STK3: variants seen among roughly 807,000 people sequenced by gnomAD.
STK3 encodes serine/threonine-protein kinase 3.
Under a neutral mutation model 58.0 loss-of-function variants are expected in STK3, and 41 were observed. The ratio of observed to expected loss-of-function variants is 0.71; its 90% CI spans 0.55 to 0.92. STK3 has a LOEUF of 0.92. Ranked by LOEUF, STK3 falls within the 40% of genes least tolerant of loss-of-function variation. The pLI is 0.00. For synonymous variants in STK3, 170 were observed against 191.0 expected, an observed-to-expected ratio of 0.89 and a Z score of 0.91; for missense variants, 479 against 602.7, an observed-to-expected ratio of 0.79 and a Z score of 2.15.
chr8:98,613,846 G>A (rs972372137), intron 6 of STK3, among the ~76,000 whole-genome samples: 1 of 152,046 alleles, frequency 6.6e-6, no homozygotes, highest in Non-Finnish European at 1.5e-5. Flanking sequence ...AAAGAAAAAT[G>A]ATGGAAGAAA....
intron 1 of STK3, among the ~76,000 whole-genome samples, chr8:98,447,961 A>G (rs1247589478): frequency 2.0e-5 from 1 of 50,922 alleles, no homozygotes; most frequent in East Asian, 7.3e-4. Flanking sequence ...AAAGTATAAT[A>G]ATAATAATAA....
chr8:98,352,109 C>T, the STK3 span, among the ~76,000 whole-genome samples: 1 of 145,224 alleles, frequency 6.9e-6, no homozygotes, highest in African/African-American at 2.6e-5. Flanking sequence ...TGCACTCCAG[C>T]CTGGGTGACA....
intron 10 of STK3, among the ~76,000 whole-genome samples, chr8:98,511,421 A>C (rs1824507635): frequency 6.6e-6 from 1 of 152,048 alleles, no homozygotes; most frequent in Non-Finnish European, 1.5e-5. Flanking sequence ...TCAAAAAAAG[A>C]CTATATTTTA....
intron 10 of STK3, among the ~76,000 whole-genome samples, chr8:98,520,902 C>G (rs942253193): frequency 6.6e-6 from 1 of 152,092 alleles, no homozygotes; most frequent in Admixed American, 6.6e-5. Context: ...AAATCACTTA[C>G]GCTGTGCTCC....
chr8:98,388,016 A>G (rs1441124979), intron 1 of STK3, among the ~76,000 whole-genome samples: 1 of 152,170 alleles, frequency 6.6e-6, no homozygotes. Context: ...AAATGGGACA[A>G]TTTGAGCACT....
intron 10 of STK3, among the ~76,000 whole-genome samples, chr8:98,492,937 AATC>A (rs1322635344): frequency 6.6e-6 from 1 of 151,982 alleles, no homozygotes. Flanking sequence ...AGCATATAAA[AATC>A]ATCAAGTATG....
At chr8:98,752,501 C>T (rs535380121) in intron 3 of STK3, among the ~76,000 whole-genome samples, 2 of 152,068 alleles carry the variant, frequency 1.3e-5, no homozygotes, top group Admixed American at 1.3e-4. Flanking sequence ...ATATAAAAAC[C>T]CTGGAAGACA....
chr8:98,912,591 C>G (rs991927445), intron 1 of STK3, among the ~76,000 whole-genome samples: 21 of 152,056 alleles, frequency 1.4e-4, no homozygotes, highest in Non-Finnish European at 1.3e-4. Flanking sequence ...AGAGAACAGA[C>G]TAAAAAACAT....
At chr8:98,726,884 A>G (rs1227467211) in intron 4 of STK3, among the ~76,000 whole-genome samples, 2 of 152,174 alleles carry the variant, frequency 1.3e-5, no homozygotes, top group African/African-American at 2.4e-5. Context: ...CTTTGACTCA[A>G]TGTCACCAGA....
At chr8:98,422,045 CT>C (rs1434851802) in intron 3 of STK3, among the ~76,000 whole-genome samples, 1 of 152,094 alleles carries the variant, frequency 6.6e-6, no homozygotes, top group Non-Finnish European at 1.5e-5. Context: ...CAACCACACC[CT>C]TCTCTGCCTC....
At chr8:98,399,801 G>A (rs1017769677), downstream of STK3, among the ~76,000 whole-genome samples, 1 of 152,190 alleles carries the variant, frequency 6.6e-6, no homozygotes, top group Non-Finnish European at 1.5e-5. Context: ...AGAGAATGGG[G>A]TGTGGCTTAC....
Position 98,428,269 on chromosome 8 carries a change from G to A in STK3, n.483+5858C>T. 6.2e-7 allele frequency: 1 copy of A among 1,614,128 alleles called. No individual in the cohort carries two copies. The highest frequency in any genetic ancestry group is 8.5e-7 in the Non-Finnish European group (1 of 1,180,026). On this transcript the variant is annotated intron_variant and non_coding_transcript_variant, in intron 3 of 3. Coordinates refer to the STK3 transcript ENST00000517832. The surrounding 1 kb of genome is among the most constrained non-coding windows in gnomAD (Gnocchi z 6.7). The stretch of plus-strand genomic sequence containing the variant: ...AAGCTTCACGTCATGGCTGAGCTAT[G>A]TGTCTTCTCCTTCAGCCAGGAGATC...
At chr8:98,932,588 CT>C (rs1840039658) in intron 1 of STK3, among the ~76,000 whole-genome samples, 1 of 152,220 alleles carries the variant, frequency 6.6e-6, no homozygotes, top group Non-Finnish European at 1.5e-5. Flanking sequence ...AGGAAATTAT[CT>C]GGCAATAGAG....
At chr8:98,663,017 A>C (rs1822077312) in intron 6 of STK3, among the ~76,000 whole-genome samples, 1 of 152,226 alleles carries the variant, frequency 6.6e-6, no homozygotes, top group African/African-American at 2.4e-5. Flanking sequence ...ACAAAAGCCA[A>C]AATTGATAAA....
At chr8:98,877,548 A>G (rs1379338770) in intron 3 of STK3, among the ~76,000 whole-genome samples, 1 of 152,010 alleles carries the variant, frequency 6.6e-6, no homozygotes, top group Non-Finnish European at 1.5e-5. Flanking sequence ...CAATGGCATG[A>G]TCTCGGCTCA....
intron 1 of STK3, among the ~76,000 whole-genome samples, chr8:98,819,899 G>C (rs1250929636): frequency 6.6e-6 from 1 of 152,044 alleles, no homozygotes. Context: ...CTGGTGTGTT[G>C]CTTTCTCTCA....
chr8:98,579,865 G>T, intron 7 of STK3, 76 bp from the exon 8 acceptor site: 5 of 1,292,564 alleles, frequency 3.9e-6, no homozygotes, highest in Non-Finnish European at 4.1e-6. Flanking sequence ...AAAACAACAT[G>T]TAAATGTTAA....
chr8:98,471,490 A>T (rs994280137), intron 10 of STK3, among the ~76,000 whole-genome samples: 1 of 151,818 alleles, frequency 6.6e-6, no homozygotes, highest in Admixed American at 6.6e-5. Flanking sequence ...TACCTTAAAC[A>T]TGCTCAGAAT....
intron 10 of STK3, among the ~76,000 whole-genome samples, chr8:98,458,152 TA>T (rs1819645600): frequency 6.6e-6 from 1 of 151,936 alleles, no homozygotes; most frequent in African/African-American, 2.4e-5. Flanking sequence ...CACACACATG[TA>T]TTTACATATG....
Sources: gnomAD v4.1 joint callset for allele counts (sites outside exome capture counted in the v4.1 genomes callset) on GRCh38, gnomAD v4.1.1 for gene constraint, Gnocchi (gnomAD v3.1) non-coding constraint, MANE v1.5 for transcripts, NCBI Gene and HGNC (gene_info 2026-07-23, HGNC 2026-07-21) for gene names.